The following WWOX variants were observed in gnomAD, a reference collection of about 807,000 sequenced individuals.
WWOX encodes the protein WW domain containing oxidoreductase.
WWOX carries 69 observed loss-of-function variants against 46.2 expected under a neutral mutation model. The ratio of observed to expected loss-of-function variants is 1.49; its 90% confidence interval spans 1.23 to 1.82. The LOEUF is 1.82. Among genes scored for constraint, WWOX ranks in the 40% most tolerant of loss-of-function variants. The pLI is 0.00. For synonymous variants in WWOX, 359 were observed against 202.6 expected (o/e 1.77, Z -6.56); for missense variants, 919 against 542.6 (o/e 1.69, Z -6.89).
At chr16:78,924,216 C>G (rs2045446585) in intron 8 of WWOX, among the ~76,000 whole-genome samples, 1 of 152,046 alleles carries the variant, frequency 6.6e-6, no homozygotes, top group Non-Finnish European at 1.5e-5. Context: ...GAAGCTTGGT[C>G]TTGAAGCTGT....
intron 8 of WWOX, among the ~76,000 whole-genome samples, chr16:78,816,241 G>T (rs1376337061): frequency 1.3e-5 from 2 of 152,198 alleles, no homozygotes; most frequent in Admixed American, 6.5e-5. Flanking sequence ...CAGGAAGCCA[G>T]AGAAAGAGGG....
At chr16:78,622,580 C>G (rs1567443617) in intron 8 of WWOX, among the ~76,000 whole-genome samples, 1 of 151,710 alleles carries the variant, frequency 6.6e-6, no homozygotes, top group Non-Finnish European at 1.5e-5. Context: ...GTTTCTTCCT[C>G]TGTTTGACAG....
intron 8 of WWOX, among the ~76,000 whole-genome samples, chr16:78,988,001 G>A (rs1002132631): frequency 2.6e-5 from 4 of 151,870 alleles, no homozygotes; most frequent in African/African-American, 9.7e-5. Flanking sequence ...TAACAAAGGG[G>A]CTATTTTATA....
In WWOX at chr16:78,794,971, G is replaced by A. The variant is rs1032567067; in HGVS notation, c.1056+362219G>A. Reference sequence around the variant, plus strand: ...GATAAATTAATGTTATCATCATCACGTAAGCATCTTGGGAAGTCTGTAAGT... The same window carrying A: ...GATAAATTAATGTTATCATCATCACATAAGCATCTTGGGAAGTCTGTAAGT... On this transcript the variant is annotated intron_variant, in intron 8 of 8. Transcript: ENST00000566780. Among the ~76,000 whole-genome samples the A allele has an allele frequency of 2.0e-5, 3 of 152,194 alleles. No homozygotes were observed. The South Asian group carries it at 6.2e-4, about 31-fold the overall frequency.
chr16:78,484,857 C>T (rs1302620766), intron 8 of WWOX, among the ~76,000 whole-genome samples: 1 of 152,120 alleles, frequency 6.6e-6, no homozygotes, highest in Non-Finnish European at 1.5e-5. Flanking sequence ...AGTGCCATTG[C>T]ATTTGTCTCC....
At chr16:78,997,700 C>G (rs1045308713) in intron 8 of WWOX, among the ~76,000 whole-genome samples, 1 of 152,046 alleles carries the variant, frequency 6.6e-6, no homozygotes, top group Non-Finnish European at 1.5e-5. Flanking sequence ...TCCCTCCTAC[C>G]CCTCTTTCTT....
At chr16:78,623,746 A>G (rs1447358268) in intron 8 of WWOX, among the ~76,000 whole-genome samples, 10 of 152,106 alleles carry the variant, frequency 6.6e-5, no homozygotes, top group African/African-American at 2.4e-4. Flanking sequence ...AAAAAAAAAA[A>G]AAAAAGTGTA....
intron 8 of WWOX, among the ~76,000 whole-genome samples, chr16:79,105,330 A>G (rs1170027170): frequency 6.6e-6 from 1 of 152,162 alleles, no homozygotes; most frequent in Non-Finnish European, 1.5e-5. Flanking sequence ...GAAAATAACA[A>G]AAGCAGAACG....
At chr16:78,184,549 G>A (rs1426601877) in intron 5 of WWOX, among the ~76,000 whole-genome samples, 1 of 150,792 alleles carries the variant, frequency 6.6e-6, no homozygotes, top group Admixed American at 6.6e-5. Context: ...ATGAATCACC[G>A]AGATCTATTT....
At chr16:79,093,991 G>T (rs999078531) in intron 8 of WWOX, among the ~76,000 whole-genome samples, 1 of 152,096 alleles carries the variant, frequency 6.6e-6, no homozygotes, top group African/African-American at 2.4e-5. Context: ...CAAATGCTAG[G>T]GAATGAACGA....
intron 8 of WWOX, among the ~76,000 whole-genome samples, chr16:78,926,987 G>A (rs1236204909): frequency 6.6e-6 from 1 of 152,054 alleles, no homozygotes; most frequent in Non-Finnish European, 1.5e-5. Context: ...GTAGAGATGG[G>A]GTTTTGGCAT....
intron 8 of WWOX, among the ~76,000 whole-genome samples, chr16:78,558,293 T>C (rs981256284): frequency 6.6e-6 from 1 of 152,264 alleles, no homozygotes; most frequent in South Asian, 2.1e-4. Context: ...TCCTAGAAGC[T>C]GCAAATTGCT....
chr16:78,591,390 C>T (rs543359828), intron 8 of WWOX, among the ~76,000 whole-genome samples: 10 of 152,312 alleles, frequency 6.6e-5, no homozygotes, highest in South Asian at 2.1e-4. Flanking sequence ...GGAAGAGTAA[C>T]AGCCCAGTAC....
chr16:79,040,989 G>T (rs780217670), intron 8 of WWOX, among the ~76,000 whole-genome samples: 6 of 151,980 alleles, frequency 3.9e-5, no homozygotes, highest in Non-Finnish European at 7.4e-5. Context: ...GAAATCCCTA[G>T]TTACTAGCAG....
At chr16:78,319,229 G>A (rs2080415777) in intron 5 of WWOX, among the ~76,000 whole-genome samples, 1 of 152,058 alleles carries the variant, frequency 6.6e-6, no homozygotes, top group Non-Finnish European at 1.5e-5. Flanking sequence ...AAGGCAATGA[G>A]ATGGATTCTA....
At chr16:78,568,201 C>G (rs138722058) in intron 8 of WWOX, among the ~76,000 whole-genome samples, 2,919 of 152,172 alleles carry the variant, frequency 0.019, 57 homozygotes, top group African/African-American at 0.047. Flanking sequence ...CTCTTCTGAA[C>G]AACATCGGCT....
chr16:78,409,126 G>A (rs892104923), intron 6 of WWOX, among the ~76,000 whole-genome samples: 6 of 151,950 alleles, frequency 3.9e-5, no homozygotes, highest in Admixed American at 3.3e-4. Flanking sequence ...ATTCACAGAT[G>A]TATACACAGT....
At chr16:78,121,861 A>G (rs1260242400) in intron 4 of WWOX, among the ~76,000 whole-genome samples, 7 of 152,010 alleles carry the variant, frequency 4.6e-5, no homozygotes, top group Non-Finnish European at 1.0e-4. Flanking sequence ...AGGTTTTGCC[A>G]TGTTGTCCAT....
chr16:78,621,950 A>G (rs537187095), intron 8 of WWOX, among the ~76,000 whole-genome samples: 1 of 152,010 alleles, frequency 6.6e-6, no homozygotes, highest in East Asian at 2.0e-4. Flanking sequence ...TTTGTCTTTG[A>G]AATTGTACTG....
Sources: allele counts gnomAD v4.1 joint callset (sites outside exome capture counted in the v4.1 genomes callset), GRCh38; gene constraint gnomAD v4.1.1; transcripts MANE v1.5; gene names NCBI Gene and HGNC (gene_info 2026-07-23, HGNC 2026-07-21).